SCN2A: variants seen among roughly 807,000 people sequenced by gnomAD.
SCN2A encodes the protein sodium voltage-gated channel alpha subunit 2.
In SCN2A, 20 loss-of-function variants were observed where a neutral mutation model predicts 188.7. That is an observed-to-expected ratio of 0.11 (90% CI 0.07 to 0.15). The LOEUF is 0.15. Among genes scored for constraint, SCN2A ranks in the 10% least tolerant of loss-of-function variants. The probability of loss-of-function intolerance (pLI) is 1.00; values close to 1 mark genes in which losing one functional copy is unlikely to be tolerated. For missense variants in SCN2A, 1,278 were observed against 2,445.0 expected, an observed-to-expected ratio of 0.52 and a Z score of 10.07; for synonymous variants, 804 against 833.1, an observed-to-expected ratio of 0.97 and a Z score of 0.60.
At chr2:165,364,992 T>G (rs894631960) in intron 17 of SCN2A, 151 bp from the exon 18 acceptor site, 1 of 725,090 alleles carries the variant, frequency 1.4e-6, no homozygotes, top group African/African-American at 1.8e-5. Context: ...CCCCTGACCT[T>G]TACCAAAGCG....
intron 17 of SCN2A, among the ~76,000 whole-genome samples, chr2:165,362,760 A>G (rs4667810): frequency 0.42 from 64,361 of 151,756 alleles, 13,855 homozygotes; most frequent in East Asian, 0.53. Flanking sequence ...AAAGTACCCA[A>G]AATCCATCCA....
chr2:165,292,133 T>A (rs1023030673), intron 1 of SCN2A, among the ~76,000 whole-genome samples: 7 of 152,160 alleles, frequency 4.6e-5, no homozygotes, highest in Admixed American at 2.0e-4. Context: ...AGCTCTTGAA[T>A]CATCATATGC....
intron 1 of SCN2A, among the ~76,000 whole-genome samples, chr2:165,256,132 A>C (rs1468070116): frequency 1.3e-5 from 2 of 149,596 alleles, no homozygotes; most frequent in Non-Finnish European, 3.0e-5. Flanking sequence ...TAGCCTCCTG[A>C]GTAGCTGGGA....
intron 14 of SCN2A, among the ~76,000 whole-genome samples, chr2:165,339,829 G>A (rs2105309691): frequency 6.6e-6 from 1 of 152,200 alleles, no homozygotes; most frequent in Admixed American, 6.5e-5. Flanking sequence ...CAAATACACA[G>A]TGCTTAAAAT....
Position 165,326,889 on chromosome 2 carries a change from C to A in SCN2A, c.2054C>A (p.Ser685Tyr), listed in dbSNP as rs1304487516. 3 of 1,613,894 alleles carry A rather than the reference C, an allele frequency of 1.9e-6. No individual in the cohort carries two copies. The highest frequency in any genetic ancestry group is 2.5e-6 in the Non-Finnish European group (3 of 1,179,862). ...GAAACAGAAATAAGAAAGAGACGGT[C>A]CAGTTCTTATCATGTTTCCATGGAT... ...TTETEIRKRR[S>Y]SSYHVSMDLL... Residue 685 changes from serine to tyrosine, a missense_variant, in exon 13 of 27, where the codon TCC becomes TAC. Transcript: ENST00000375437.
intron 1 of SCN2A, among the ~76,000 whole-genome samples, chr2:165,274,610 T>C (rs1239905772): frequency 6.6e-6 from 1 of 152,228 alleles, no homozygotes; most frequent in Non-Finnish European, 1.5e-5. Flanking sequence ...TAGTTGCTAC[T>C]ATTGCCTAGT....
chr2:165,359,855 A>G (rs1700368606), intron 17 of SCN2A, among the ~76,000 whole-genome samples: 1 of 152,018 alleles, frequency 6.6e-6, no homozygotes, highest in Non-Finnish European at 1.5e-5. Context: ...ATCATGACAT[A>G]AGAGTTCCTT....
intron 1 of SCN2A, among the ~76,000 whole-genome samples, chr2:165,265,847 G>C (rs1219563203): frequency 6.8e-6 from 1 of 147,740 alleles, no homozygotes; most frequent in Non-Finnish European, 1.5e-5. Context: ...TAATATATGG[G>C]GTCTAACTCT....
intron 22 of SCN2A, among the ~76,000 whole-genome samples, chr2:165,375,256 A>C (rs1393633916): frequency 6.6e-6 from 1 of 152,048 alleles, no homozygotes; most frequent in Non-Finnish European, 1.5e-5. Context: ...AGGAAATTAA[A>C]TCAACATGTC....
chr2:165,348,454 A>G (rs955851444), intron 16 of SCN2A, among the ~76,000 whole-genome samples: 2 of 152,050 alleles, frequency 1.3e-5, no homozygotes, highest in Non-Finnish European at 2.9e-5. Context: ...AGGGGAAGGG[A>G]AAAAGGCAAA....
At chr2:165,372,078 G>A (rs1396881824) in intron 20 of SCN2A, 1 of 152,068 alleles carries the variant, frequency 6.6e-6, no homozygotes, top group East Asian at 1.9e-4. Flanking sequence ...TCTGTCTTCA[G>A]AGAAGGTAAA....
chr2:165,282,873 C>T (rs1290513807), intron 1 of SCN2A, among the ~76,000 whole-genome samples: 1 of 151,982 alleles, frequency 6.6e-6, no homozygotes, highest in Non-Finnish European at 1.5e-5. Context: ...GAATATAGAA[C>T]AAAAAGGTCA....
At chr2:165,326,806 C>T (rs770522459) in intron 12 of SCN2A, 46 bp from the exon 13 acceptor site, 8 of 1,611,282 alleles carry the variant, frequency 5.0e-6, no homozygotes, top group Non-Finnish European at 6.8e-6. Flanking sequence ...TTGGGCTTTG[C>T]TGCTTTCAAA....
rs948037189 is a variant in SCN2A at position 165,339,764 on chromosome 2, C to T, written c.2389-2532C>T. ...ATGTATCTATCAATTCAACCCAATC[C>T]CAGTAAAAATGTCACAGATTTTCTT... On this transcript the variant is annotated intron_variant, in intron 14 of 26. Coordinates refer to ENST00000375437, the MANE Select transcript of SCN2A (RefSeq NM_001040142.2). Among the ~76,000 whole-genome samples the T allele has an allele frequency of 2.6e-5, 4 of 152,110 alleles. No individual in the cohort carries two copies. The South Asian group carries it at 8.3e-4, about 32-fold the overall frequency.
At chr2:165,244,328 A>G (rs1693752759) in intron 1 of SCN2A, among the ~76,000 whole-genome samples, 1 of 152,186 alleles carries the variant, frequency 6.6e-6, no homozygotes, top group Non-Finnish European at 1.5e-5. Context: ...CGTTAGTGTT[A>G]TCTCCTCTTT....
At chr2:165,362,408 G>A (rs931536279) in intron 17 of SCN2A, among the ~76,000 whole-genome samples, 8 of 151,806 alleles carry the variant, frequency 5.3e-5, no homozygotes, top group Admixed American at 2.0e-4. Context: ...GAATAAAAAA[G>A]CAATTAAAAA....
Position 165,307,832 on chromosome 2 carries a change from C to T in SCN2A, c.387-16C>T, listed in dbSNP as rs1697218940. 1.3e-6 allele frequency: 2 copies of T among 1,572,058 alleles called. No individual in the cohort carries two copies. Among genetic ancestry groups the T allele is most frequent in the Non-Finnish European group, 1.8e-6 (2 of 1,141,998 alleles). Reference sequence around the variant, plus strand: ...GATTTTTCCATTGAACTTTGTCTTCCTTGACGATATTCTACTTTATTCAAT... The same window carrying T: ...GATTTTTCCATTGAACTTTGTCTTCTTTGACGATATTCTACTTTATTCAAT... On this transcript the variant is annotated splice_polypyrimidine_tract_variant and intron_variant, in intron 3 of 26. Coordinates refer to ENST00000375437, the MANE Select transcript of SCN2A (RefSeq NM_001040142.2).
chr2:165,318,923 A>G (rs903541857), intron 11 of SCN2A, among the ~76,000 whole-genome samples: 2 of 152,204 alleles, frequency 1.3e-5, no homozygotes, highest in South Asian at 4.1e-4. Context: ...AAAAATAACT[A>G]CTTGTATGGA....
At chr2:165,294,020 A>G in intron 1 of SCN2A, 1 of 866,060 alleles carries the variant, frequency 1.2e-6, no homozygotes, top group Non-Finnish European at 1.4e-6. Flanking sequence ...TAAAAAAAAA[A>G]AAAAAAAAAA....
Sources: gnomAD v4.1 joint callset for allele counts (sites outside exome capture counted in the v4.1 genomes callset) on GRCh38, gnomAD v4.1.1 for gene constraint, MANE v1.5 for transcripts, NCBI Gene and HGNC (gene_info 2026-07-23, HGNC 2026-07-21) for gene names.